The following DDX24 variants were observed in gnomAD, a reference collection of about 807,000 sequenced individuals.
The protein encoded by DDX24 is DEAD-box helicase 24.
A neutral mutation model predicts 68.9 loss-of-function variants in DDX24; 24 were observed. The observed-to-expected ratio is 0.35, with a 90% CI of 0.25 to 0.49. The LOEUF is 0.49. Among genes scored for constraint, DDX24 ranks in the 20% least tolerant of loss-of-function variants. The probability of loss-of-function intolerance (pLI) is 0.99; values close to 1 mark genes in which losing one functional copy is unlikely to be tolerated. For missense variants in DDX24, 989 were observed against 1,039.0 expected, an observed-to-expected ratio of 0.95 and a Z score of 0.66; for synonymous variants, 395 against 385.2, an observed-to-expected ratio of 1.03 and a Z score of -0.30.
intron 1 of DDX24, among the ~76,000 whole-genome samples, chr14:94,079,960 A>T (rs1430862351): frequency 1.3e-5 from 2 of 152,184 alleles, no homozygotes; most frequent in Admixed American, 1.3e-4. Context: ...GAACAAAGAC[A>T]TATGAGCTAG....
intron 2 of DDX24, among the ~76,000 whole-genome samples, chr14:94,074,039 T>C (rs917224813): frequency 7.0e-6 from 1 of 142,470 alleles, no homozygotes; most frequent in African/African-American, 2.6e-5. Context: ...CGAGACTCCA[T>C]CTCAAAAAAA....
intron 5 of DDX24, among the ~76,000 whole-genome samples, chr14:94,059,415 C>A (rs574545586): frequency 6.6e-6 from 1 of 152,168 alleles, no homozygotes; most frequent in Non-Finnish European, 1.5e-5. Context: ...CACTTCCAGG[C>A]AGAGAAACCT....
At position 94,068,061 on chromosome 14, in the gene DDX24, G is replaced by C. The variant is rs1243120747; in HGVS notation, c.719-5440C>G. ...CTAAATGCTCCACTTAAAAGATAAAGAACTGCAGAATGGATGCAGAACTCA... is the reference window on the plus strand; with the variant it reads ...CTAAATGCTCCACTTAAAAGATAAACAACTGCAGAATGGATGCAGAACTCA... On this transcript the variant is annotated intron_variant, in intron 2 of 8. Coordinates refer to ENST00000621632, the MANE Select transcript of DDX24 (RefSeq NM_020414.4). Among the ~76,000 whole-genome samples the C allele has an allele frequency of 2.0e-5, 3 of 152,126 alleles. No homozygotes were observed. The East Asian group carries it at 5.8e-4, about 29-fold the overall frequency.
intron 2 of DDX24, among the ~76,000 whole-genome samples, chr14:94,069,929 T>C (rs1391256852): frequency 2.6e-5 from 4 of 151,920 alleles, no homozygotes; most frequent in Admixed American, 6.5e-5. Flanking sequence ...GGTGAAAGCA[T>C]TCCCTCTGAG....
chr14:94,060,766 T>G, intron 4 of DDX24, 147 bp downstream of exon 4: 1 of 1,458,766 alleles, frequency 6.9e-7, no homozygotes, highest in Non-Finnish European at 9.2e-7. Context: ...ATCTCCCTCA[T>G]GCACTCTTGG....
At chr14:94,077,153 A>T (rs191036918) in intron 2 of DDX24, among the ~76,000 whole-genome samples, 25 of 152,360 alleles carry the variant, frequency 1.6e-4, no homozygotes, top group Admixed American at 1.4e-3. Flanking sequence ...ATAGGCTATT[A>T]GCGTTTAAGT....
At position 94,053,358 on chromosome 14, in the gene DDX24, C is replaced by CTTTTTT. The variant is rs1160011824; in HGVS notation, c.2179-237_2179-232dup. On this transcript the variant is annotated intron_variant, in intron 7 of 8. Coordinates refer to ENST00000621632, the MANE Select transcript of DDX24 (RefSeq NM_020414.4). Reference sequence around the variant, plus strand: ...AGGCACCACCATGCCTAGGTAATTTCTTTTTTTTTTTTTTTTTTTTTTTTT... The same window carrying CTTTTTT: ...AGGCACCACCATGCCTAGGTAATTTCTTTTTTTTTTTTTTTTTTTTTTTTTTTTTTT... The CTTTTTT allele has an allele frequency of 3.4e-4, 43 of 124,784 alleles. 1 individual carries two copies. Among genetic ancestry groups the CTTTTTT allele is most frequent in the African/African-American group, 1.2e-3 (18 of 15,176 alleles). 7.7% of individuals were successfully genotyped at this position (124,784 alleles called of 1,614,324 possible).
At position 94,058,666 on chromosome 14, in the gene DDX24, T is replaced by C. The variant is rs138113421; in HGVS notation, c.1914-769A>G. 2.7e-4 allele frequency among the ~76,000 whole-genome samples: 41 copies of C among 152,294 alleles called. 1 individual carries two copies. In the East Asian group the frequency reaches 7.3e-3, roughly 27 times the overall value. On this transcript the variant is annotated intron_variant, in intron 5 of 8. Coordinates refer to ENST00000621632, the MANE Select transcript of DDX24 (RefSeq NM_020414.4). ...GTGGTTCATGGAAAGTCAAAAGTAC[T>C]TGAGGTGCTTCAAAACATAAGACTC... is the stretch of plus-strand genomic sequence containing the variant.
At chr14:94,053,586 G>A (rs1351066122) in intron 7 of DDX24, among the ~76,000 whole-genome samples, 3 of 151,810 alleles carry the variant, frequency 2.0e-5, no homozygotes, top group South Asian at 2.1e-4. Context: ...AGGCCAAGGC[G>A]GGCGGATCAC....
At chr14:94,052,803 C>A (rs1397860415) in intron 8 of DDX24, among the ~76,000 whole-genome samples, 195 bp downstream of exon 8, 2 of 152,198 alleles carry the variant, frequency 1.3e-5, no homozygotes, top group Non-Finnish European at 2.9e-5. Context: ...CAGCTGAGGG[C>A]ACAAGACAGA....
chr14:94,076,509 C>T lies in DDX24; in HGVS notation c.718+2516G>A, dbSNP rs538307962. 2.0e-4 allele frequency among the ~76,000 whole-genome samples: 30 copies of T among 152,004 alleles called. No homozygotes were observed. In the South Asian group the frequency reaches 4.2e-3, roughly 21 times the overall value. Reference sequence around the variant, plus strand: ...CAGCCTGACCAACATAGTGAAACCCCGTCTCTGCTAAAAATACAAAAATTA... The same window carrying T: ...CAGCCTGACCAACATAGTGAAACCCTGTCTCTGCTAAAAATACAAAAATTA... On this transcript the variant is annotated intron_variant, in intron 2 of 8. Coordinates refer to ENST00000621632, the MANE Select transcript of DDX24 (RefSeq NM_020414.4).
At chr14:94,057,721 G>T in intron 6 of DDX24, 101 bp downstream of exon 6, 1 of 1,120,022 alleles carries the variant, frequency 8.9e-7, no homozygotes, top group Non-Finnish European at 1.3e-6. Flanking sequence ...TCTGATGCAA[G>T]AGCCTTGGAA....
At chr14:94,058,991 A>G (rs1454273263) in intron 5 of DDX24, among the ~76,000 whole-genome samples, 2 of 152,172 alleles carry the variant, frequency 1.3e-5, no homozygotes, top group African/African-American at 4.8e-5. Context: ...AGTCCTAGCT[A>G]CTTAGGAGGC....
chr14:94,051,264 T>A lies in DDX24; in HGVS notation c.2507A>T (p.Gln836Leu). The A allele has an allele frequency of 6.2e-7, 1 of 1,602,194 alleles. No individual in the cohort carries two copies. The highest frequency in any genetic ancestry group is 8.5e-7 in the Non-Finnish European group (1 of 1,175,176). ...CGGCTTCTTTGTCTTCTTCTTCTTC[T>A]GCTTGGAGAGACAGCTCAAAGCAGA... The part of the protein sequence containing the change: ...SESALSCLSK[Q>L]KKKKTKKPKE... Residue 836 changes from glutamine to leucine, a missense_variant, in exon 9 of 9, where the codon CAG becomes CTG. Around this residue, in one of 3 missense-constraint regions of DDX24, gnomAD observed 691 missense variants for 760.0 expected, o/e 0.91. Coordinates refer to ENST00000621632, the MANE Select transcript of DDX24 (RefSeq NM_020414.4).
At position 94,050,238 on chromosome 14, in the gene DDX24, G is replaced by T. The variant is rs1219949793; in HGVS notation, c.*953C>A. On this transcript the variant is annotated 3_prime_UTR_variant, in exon 9 of 9. Coordinates refer to ENST00000621632, the MANE Select transcript of DDX24 (RefSeq NM_020414.4). ...CACATATTTATACCAGGCTGACCAA[G>T]CCTTGAGTTCCTCTTCTCCCAAGGA... The T allele has an allele frequency of 6.6e-6, 1 of 152,266 alleles. No individual in the cohort carries two copies. Among genetic ancestry groups the T allele is most frequent in the African/African-American group, 2.4e-5 (1 of 41,436 alleles). The allele number at this position is 152,266 out of a possible 1,614,324, so 9.4% of individuals were successfully genotyped here.
rs771823481 is a variant in DDX24, at chr14:94,062,140, G to A, written c.1200C>T (p.Ala400=). 1.2e-6 allele frequency: 2 copies of A among 1,613,894 alleles called. No individual in the cohort carries two copies. Among genetic ancestry groups the A allele is most frequent in the Non-Finnish European group, 1.7e-6 (2 of 1,179,918 alleles). ...GLVLTPTREL[A]VQVKQHIDAV... is the part of the protein sequence containing the mutation. ...CATCAATGTGCTGTTTGACCTGGAC[G>A]GCCAGCTCTCGAGTGGGAGTCAGAA... The change falls in exon 3 of 9, where the codon GCC becomes GCT. Residue 400 remains alanine, a synonymous_variant. Transcript: ENST00000621632.
At chr14:94,055,331 C>T in intron 6 of DDX24, 147 bp from the exon 7 acceptor site, 1 of 724,350 alleles carries the variant, frequency 1.4e-6, no homozygotes, top group South Asian at 1.9e-5. Flanking sequence ...TCTAGCCCTC[C>T]TCTCTTAGTC....
chr14:94,079,878 C>G (rs370021996), intron 1 of DDX24, 131 bp from the exon 2 acceptor site: 5 of 813,768 alleles, frequency 6.1e-6, no homozygotes, highest in South Asian at 1.6e-5. Context: ...CACAGTTGCT[C>G]CCACCTAGAG....
Position 94,050,968 on chromosome 14 carries a change from A to G in DDX24, c.*223T>C, listed in dbSNP as rs190727067. 408 of 411,950 alleles carry G rather than the reference A, an allele frequency of 9.9e-4. 1 individual carries two copies. The highest frequency in any genetic ancestry group is 7.8e-3 in the African/African-American group (381 of 48,928). 25.5% of individuals were successfully genotyped at this position (411,950 alleles called of 1,614,324 possible). A position where few individuals can be genotyped will look rare whatever the true frequency, so the allele number is the denominator to read the frequency against. On this transcript the variant is annotated 3_prime_UTR_variant, in exon 9 of 9. Coordinates refer to ENST00000621632, the MANE Select transcript of DDX24 (RefSeq NM_020414.4). ...ATGAAATCAAGTTTAACACACAAGA[A>G]GCCTATAAACACTGCAATACAGAAA...
Sources: allele counts gnomAD v4.1 joint callset (sites outside exome capture counted in the v4.1 genomes callset), GRCh38; gene constraint gnomAD v4.1.1; regional missense constraint gnomAD v4.1.1; transcripts MANE v1.5; gene names NCBI Gene and HGNC (gene_info 2026-07-23, HGNC 2026-07-21).